Variants in TMEM196 observed in about 807,000 individuals in gnomAD.
TMEM196 encodes transmembrane protein 196.
TMEM196 carries 17 observed loss-of-function variants against 20.0 expected under a neutral mutation model. The ratio of observed to expected loss-of-function variants is 0.85; its 90% confidence interval spans 0.58 to 1.27. The LOEUF (loss-of-function observed/expected upper bound fraction) is 1.27. Ranked by LOEUF, TMEM196 falls within the 50% of genes most tolerant of loss-of-function variation. The pLI is 0.00. For missense variants in TMEM196, 267 were observed against 223.0 expected, an observed-to-expected ratio of 1.20 and a Z score of -1.26; for synonymous variants, 113 against 88.9, an observed-to-expected ratio of 1.27 and a Z score of -1.52.
chr7:19,725,832 C>T, intron 2 of TMEM196, 64 bp from the exon 3 acceptor site: 1 of 1,504,870 alleles, frequency 6.6e-7, no homozygotes, highest in Non-Finnish European at 8.9e-7. Flanking sequence ...ACACAGTTGC[C>T]CTGTCCGGCT....
At chr7:19,734,438 G>A (rs1167680262) in intron 1 of TMEM196, among the ~76,000 whole-genome samples, 1 of 152,154 alleles carries the variant, frequency 6.6e-6, no homozygotes, top group Non-Finnish European at 1.5e-5. Context: ...AAAAGGCTTT[G>A]CCAATGTGAT....
At chr7:19,747,524 C>T (rs912916458) in intron 1 of TMEM196, among the ~76,000 whole-genome samples, 3 of 152,156 alleles carry the variant, frequency 2.0e-5, no homozygotes, top group African/African-American at 7.2e-5. Context: ...TTGCACACAT[C>T]ATCTAAATGA....
intron 1 of TMEM196, among the ~76,000 whole-genome samples, chr7:19,762,409 T>C (rs1785469662): frequency 6.6e-6 from 1 of 152,152 alleles, no homozygotes; most frequent in African/African-American, 2.4e-5. Flanking sequence ...CATCAATGTA[T>C]GGATAATATT....
rs1276874248 is a variant in TMEM196 at position 19,719,725 on chromosome 7, C to T, written c.*2403G>A. On this transcript the variant is annotated 3_prime_UTR_variant, in exon 5 of 5. Coordinates refer to ENST00000405844, the MANE Select transcript of TMEM196 (RefSeq NM_001363562.2). ...CCCCACTTATCTAAAAAAGAATCGC[C>T]GCACATCCCAAGTAAATCATTCTAA... 1 of 152,024 alleles carries T rather than the reference C, an allele frequency of 6.6e-6. No individual in the cohort carries two copies. The highest frequency in any genetic ancestry group is 1.5e-5 in the Non-Finnish European group (1 of 67,954). 9.4% of individuals were successfully genotyped at this position (152,024 alleles called of 1,614,324 possible). A position where few individuals can be genotyped will look rare whatever the true frequency, so the allele number is the denominator to read the frequency against.
intron 1 of TMEM196, among the ~76,000 whole-genome samples, chr7:19,752,347 A>G (rs370212130): frequency 6.6e-6 from 1 of 152,166 alleles, no homozygotes; most frequent in African/African-American, 2.4e-5. Flanking sequence ...ACTCAAAGAC[A>G]CTATTGATTC....
chr7:19,729,258 T>TTG, intron 2 of TMEM196, 124 bp downstream of exon 2: 1 of 506,840 alleles, frequency 2.0e-6, no homozygotes, highest in African/African-American at 2.0e-5. Flanking sequence ...ATTTGTCAGT[T>TTG]TTTTTTTTTT....
rs1004794676 is a variant in TMEM196, at chr7:19,729,375, C to T, written c.204+7G>A. ...CAATGCACAATACAAACAAATCAAA[C>T]ACTTACGACAAGTCCTGATTTTTTT... On this transcript the variant is annotated splice_region_variant and intron_variant, in intron 2 of 4. Transcript: ENST00000405844. The T allele has an allele frequency of 3.9e-6, 6 of 1,547,408 alleles. No homozygotes were observed. The highest frequency in any genetic ancestry group is 3.9e-5 in the Admixed American group (2 of 50,704).
At chr7:19,730,255 CAAAAAAGA>C (rs1784154086) in intron 1 of TMEM196, among the ~76,000 whole-genome samples, 1 of 83,118 alleles carries the variant, frequency 1.2e-5, no homozygotes, top group Non-Finnish European at 2.3e-5. Context: ...GACTCCGTCT[CAAAAAAGA>C]AAAAAAAAAA....
rs545167888 is a variant in TMEM196 at position 19,741,635 on chromosome 7, C to T, written c.148-12197G>A. ...TGTTTCAGAAAGTTCTTTCTCAGTCCTCAGATGTTGTTGAGATGTCAATAC... is the reference window on the plus strand; with the variant it reads ...TGTTTCAGAAAGTTCTTTCTCAGTCTTCAGATGTTGTTGAGATGTCAATAC... On this transcript the variant is annotated intron_variant, in intron 1 of 4. Transcript: ENST00000405844. Among the ~76,000 whole-genome samples the T allele has an allele frequency of 3.9e-5, 6 of 152,186 alleles. No individual in the cohort carries two copies. The South Asian group carries it at 1.2e-3, about 32-fold the overall frequency.
intron 1 of TMEM196, among the ~76,000 whole-genome samples, chr7:19,739,478 T>G (rs1784513330): frequency 6.6e-6 from 1 of 152,140 alleles, no homozygotes; most frequent in African/African-American, 2.4e-5. Context: ...AAAGGAGGCC[T>G]CAGAGAGCTT....
intron 4 of TMEM196, among the ~76,000 whole-genome samples, chr7:19,723,621 TA>T (rs1437529167): frequency 2.0e-5 from 3 of 152,182 alleles, no homozygotes; most frequent in African/African-American, 7.2e-5. Context: ...ATGCTTAATT[TA>T]ATAGGAAGAT....
rs189525813 is a variant in TMEM196 at position 19,733,108 on chromosome 7, C to T, written c.148-3670G>A. ...CAATCTAATGATAAGGCATCTAGTG[C>T]TACACAATAAAATAAAATTAGTTCA... On this transcript the variant is annotated intron_variant, in intron 1 of 4. Transcript: ENST00000405844. 2.8e-4 allele frequency among the ~76,000 whole-genome samples: 43 copies of T among 152,248 alleles called. 1 individual carries two copies. Among genetic ancestry groups the T allele is most frequent in the African/African-American group, 1.0e-3 (42 of 41,532 alleles).
intron 1 of TMEM196, among the ~76,000 whole-genome samples, chr7:19,731,512 C>T (rs1784201001): frequency 6.6e-6 from 1 of 151,834 alleles, no homozygotes; most frequent in African/African-American, 2.4e-5. Flanking sequence ...CAAGCATACT[C>T]TTCTCCTTAA....
chr7:19,740,758 T>C (rs1211756030), intron 1 of TMEM196, among the ~76,000 whole-genome samples: 3 of 152,122 alleles, frequency 2.0e-5, no homozygotes, highest in Admixed American at 1.3e-4. Flanking sequence ...AGGCTGGTTT[T>C]GCATGTGGAA....
At position 19,721,011 on chromosome 7, in the gene TMEM196, T is replaced by C. The variant is rs1395419960; in HGVS notation, c.*1117A>G. 6.6e-6 allele frequency: 1 copy of C among 151,898 alleles called. No individual in the cohort carries two copies. Among genetic ancestry groups the C allele is most frequent in the Non-Finnish European group, 1.5e-5 (1 of 67,792 alleles). 9.4% of individuals were successfully genotyped at this position (151,898 alleles called of 1,614,324 possible). On this transcript the variant is annotated 3_prime_UTR_variant, in exon 5 of 5. Coordinates refer to ENST00000405844, the MANE Select transcript of TMEM196 (RefSeq NM_001363562.2). ...AGTCATGTTCGTTTATAAATTAATT[T>C]TAATTGCTATACATAAATACTATAA...
In TMEM196 at chr7:19,750,079, C is replaced by T. The variant is rs574529856; in HGVS notation, c.148-20641G>A. ...TGTCTACACATTAAGACAAGAGCAC[C>T]ATTAACCCTGGATCTTCCCCTAGGA... On this transcript the variant is annotated intron_variant, in intron 1 of 4. Coordinates refer to ENST00000405844, the MANE Select transcript of TMEM196 (RefSeq NM_001363562.2). 3.9e-4 allele frequency among the ~76,000 whole-genome samples: 59 copies of T among 152,266 alleles called. 1 individual carries two copies. Among genetic ancestry groups the T allele is most frequent in the African/African-American group, 1.4e-3 (59 of 41,560 alleles).
chr7:19,753,758 T>C (rs747742030), intron 1 of TMEM196, among the ~76,000 whole-genome samples: 1 of 152,194 alleles, frequency 6.6e-6, no homozygotes, highest in African/African-American at 2.4e-5. Flanking sequence ...AGGTTCCTCA[T>C]AGTTGGACCA....
Position 19,772,586 on chromosome 7 carries a change from GAGGGCCAGGCTGA to G in TMEM196, c.98_110del (p.Phe33SerfsTer33). On this transcript the variant is annotated frameshift_variant, in exon 1 of 5. Coordinates refer to ENST00000405844, the MANE Select transcript of TMEM196 (RefSeq NM_001363562.2). LOFTEE classifies it high-confidence loss of function. ...CTCCGAGCTGCGGCTTGTGCTCTCGGAGGGCCAGGCTGAAGCTGACCGCCCCCACGGCCACGCT... is the reference window on the plus strand; with the variant it reads ...CTCCGAGCTGCGGCTTGTGCTCTCGGAGCTGACCGCCCCCACGGCCACGCT... 5.8e-6 allele frequency: 9 copies of G among 1,546,436 alleles called. No homozygotes were observed. The highest frequency in any genetic ancestry group is 7.9e-6 in the Non-Finnish European group (9 of 1,145,614).
intron 1 of TMEM196, among the ~76,000 whole-genome samples, chr7:19,733,025 G>T (rs1249784655): frequency 6.6e-6 from 1 of 152,134 alleles, no homozygotes; most frequent in Admixed American, 6.5e-5. Flanking sequence ...AAGATGGGAT[G>T]TTTAAATCCA....
Sources: gnomAD v4.1 joint callset for allele counts (sites outside exome capture counted in the v4.1 genomes callset) on GRCh38, gnomAD v4.1.1 for gene constraint, MANE v1.5 for transcripts, NCBI Gene and HGNC (gene_info 2026-07-23, HGNC 2026-07-21) for gene names.